Variants in COL22A1 observed in about 807,000 individuals in gnomAD.
COL22A1 encodes the protein collagen type XXII alpha 1 chain.
Under a neutral mutation model 248.9 loss-of-function variants are expected in COL22A1, and 221 were observed. That is an observed-to-expected ratio of 0.89 (90% CI 0.80 to 0.99). The LOEUF (loss-of-function observed/expected upper bound fraction) is 0.99, where lower values mean the gene tolerates loss of function less well. COL22A1 is among the 50% of genes least tolerant of loss of function. The probability of loss-of-function intolerance (pLI) is 0.00; values close to 1 mark genes in which losing one functional copy is unlikely to be tolerated. For synonymous variants in COL22A1, 891 were observed against 793.4 expected, an observed-to-expected ratio of 1.12 and a Z score of -2.07; for missense variants, 2,240 against 2,179.0, an observed-to-expected ratio of 1.03 and a Z score of -0.56.
In COL22A1 at chr8:138,765,399, C is replaced by G. The variant is rs377517442; in HGVS notation, c.1804-2933G>C. On this transcript the variant is annotated intron_variant, in intron 16 of 64. Coordinates refer to ENST00000303045, the MANE Select transcript of COL22A1 (RefSeq NM_152888.3). Reference sequence around the variant, plus strand: ...TGTCCAAAGGCACATAGAAACTTAGCGGTGGTACCAGGACTCAAATCGAGG... The same window carrying G: ...TGTCCAAAGGCACATAGAAACTTAGGGGTGGTACCAGGACTCAAATCGAGG... Among the ~76,000 whole-genome samples the G allele has an allele frequency of 2.6e-4, 40 of 152,298 alleles. No homozygotes were observed. The East Asian group carries it at 7.7e-3, about 29-fold the overall frequency.
intron 23 of COL22A1, among the ~76,000 whole-genome samples, chr8:138,736,073 T>C (rs779642717): frequency 3.9e-5 from 6 of 152,186 alleles, no homozygotes; most frequent in Non-Finnish European, 8.8e-5. Context: ...GACAGCCACA[T>C]CTGTCTACCC....
chr8:138,700,688 C>T (rs1394382158), intron 31 of COL22A1, among the ~76,000 whole-genome samples: 2 of 152,300 alleles, frequency 1.3e-5, no homozygotes, highest in South Asian at 2.1e-4. Context: ...CCCACCTAGG[C>T]TGTGTTTAAG....
At chr8:138,782,654 CAG>C (rs1005208288) in intron 12 of COL22A1, among the ~76,000 whole-genome samples, 2 of 152,226 alleles carry the variant, frequency 1.3e-5, no homozygotes, top group African/African-American at 4.8e-5. Flanking sequence ...CTGGAAGTCT[CAG>C]AGTCCCACTG....
At chr8:138,885,812 C>T (rs1330552239) in intron 1 of COL22A1, among the ~76,000 whole-genome samples, 1 of 152,194 alleles carries the variant, frequency 6.6e-6, no homozygotes, top group Non-Finnish European at 1.5e-5. Context: ...ATCCGCCTGC[C>T]TCTGCCTCCC....
chr8:138,881,291 G>A (rs1361716437), intron 2 of COL22A1, among the ~76,000 whole-genome samples: 9 of 101,492 alleles, frequency 8.9e-5, no homozygotes, highest in Non-Finnish European at 1.6e-4. Context: ...CAGGCTTTGA[G>A]AGGCTCAGAA....
At chr8:138,626,402 C>T (rs1379724381) in intron 50 of COL22A1, among the ~76,000 whole-genome samples, 159 bp from the exon 51 acceptor site, 5 of 152,174 alleles carry the variant, frequency 3.3e-5, no homozygotes, top group Admixed American at 2.6e-4. Context: ...TGAGCTGTTT[C>T]CCCCAAGGCA....
chr8:138,636,299 T>A (rs1367823072), intron 48 of COL22A1, among the ~76,000 whole-genome samples: 1 of 151,528 alleles, frequency 6.6e-6, no homozygotes, highest in Non-Finnish European at 1.5e-5. Context: ...CAGGCCTGGA[T>A]GGGCACTGAT....
At chr8:138,608,700 C>T (rs1047974820) in intron 56 of COL22A1, among the ~76,000 whole-genome samples, 2 of 152,204 alleles carry the variant, frequency 1.3e-5, no homozygotes, top group Non-Finnish European at 2.9e-5. Flanking sequence ...TGGCTACTCC[C>T]TTTCAGGATC....
At chr8:138,748,272 G>T (rs1014191834) in intron 22 of COL22A1, among the ~76,000 whole-genome samples, 3 of 152,244 alleles carry the variant, frequency 2.0e-5, no homozygotes, top group African/African-American at 7.2e-5. Flanking sequence ...CTCCACTGAG[G>T]TCATCTGTTT....
At chr8:138,611,242 G>A (rs1237600140) in intron 56 of COL22A1, among the ~76,000 whole-genome samples, 3 of 152,366 alleles carry the variant, frequency 2.0e-5, no homozygotes, top group South Asian at 4.1e-4. Flanking sequence ...GCTGGGCACT[G>A]TTGTCTCACT....
chr8:138,594,164 C>T lies in COL22A1; in HGVS notation c.4468G>A (p.Ala1490Thr), dbSNP rs1464464862. ...LAYLLAQMPPAYMKSSQGRPG... is the reference protein window; with the variant it reads ...LAYLLAQMPPTYMKSSQGRPG... Reference sequence around the variant, plus strand: ...CTGCCTTGAGATGACTTCATGTACGCCGGGGGCATCTGGGCCAGGAGGTAG... The same window carrying T: ...CTGCCTTGAGATGACTTCATGTACGTCGGGGGCATCTGGGCCAGGAGGTAG... Residue 1490 changes from alanine (A) to threonine (T), a missense_variant, in exon 63 of 65, where the codon GCG (alanine) becomes ACG (threonine). Transcript: ENST00000303045. 6.4e-7 allele frequency: 1 copy of T among 1,572,284 alleles called. No individual in the cohort carries two copies.
At chr8:138,781,340 C>T (rs1051098803) in intron 12 of COL22A1, among the ~76,000 whole-genome samples, 4 of 152,044 alleles carry the variant, frequency 2.6e-5, no homozygotes, top group Non-Finnish European at 2.9e-5. Context: ...TGGGCTGCAG[C>T]GGGGCTCTCA....
At chr8:138,693,139 G>A (rs2130923882) in intron 35 of COL22A1, among the ~76,000 whole-genome samples, 1 of 152,268 alleles carries the variant, frequency 6.6e-6, no homozygotes, top group Admixed American at 6.5e-5. Flanking sequence ...CAGCCCCACG[G>A]GGATCAAATA....
intron 33 of COL22A1, 84 bp downstream of exon 33, chr8:138,694,742 G>C: frequency 6.6e-7 from 1 of 1,515,764 alleles, no homozygotes; most frequent in Non-Finnish European, 9.1e-7. Flanking sequence ...GGAATGCACG[G>C]TGCAGATCTA....
intron 36 of COL22A1, among the ~76,000 whole-genome samples, chr8:138,689,895 A>G (rs1232244796): frequency 6.6e-6 from 1 of 152,190 alleles, no homozygotes; most frequent in African/African-American, 2.4e-5. Context: ...CTGGCCACCC[A>G]TCACGTGGCT....
chr8:138,731,495 C>T (rs997368933), intron 23 of COL22A1, among the ~76,000 whole-genome samples: 5 of 151,930 alleles, frequency 3.3e-5, no homozygotes, highest in South Asian at 2.1e-4. Context: ...AGTGGTGATG[C>T]GGTGACCAGC....
Position 138,607,958 on chromosome 8 carries a change from T to C in COL22A1, c.4010A>G (p.Glu1337Gly), listed in dbSNP as rs1002002318. 1 of 1,613,964 alleles carries C rather than the reference T, an allele frequency of 6.2e-7. No individual in the cohort carries two copies. The highest frequency in any genetic ancestry group is 8.5e-7 in the Non-Finnish European group (1 of 1,179,950). ...CACAGGGGTTCCTGAAGGGCCAGGC[T>C]CTCCTGGAGATCCCGGTGATCCATT... Reference protein sequence around the residue: ...GKNGSPGSPGEPGPSGTPGQK... With the variant: ...GKNGSPGSPGGPGPSGTPGQK... Residue 1337 changes from glutamate (E) to glycine (G), a missense_variant, in exon 57 of 65, where the codon GAG (glutamate) becomes GGG (glycine). Transcript: ENST00000303045.
chr8:138,904,565 C>T (rs1275063323), intron 1 of COL22A1, among the ~76,000 whole-genome samples: 3 of 151,892 alleles, frequency 2.0e-5, no homozygotes, highest in African/African-American at 4.8e-5. Context: ...GTAATAACCC[C>T]ATTTTTATTT....
At chr8:138,875,775 T>C (rs1255780026) in intron 3 of COL22A1, among the ~76,000 whole-genome samples, 1 of 152,138 alleles carries the variant, frequency 6.6e-6, no homozygotes, top group Non-Finnish European at 1.5e-5. Flanking sequence ...GATCTCAGCA[T>C]TCTGTGTGCG....
Sources: gnomAD v4.1 joint callset for allele counts (sites outside exome capture counted in the v4.1 genomes callset) on GRCh38, gnomAD v4.1.1 for gene constraint, MANE v1.5 for transcripts, NCBI Gene and HGNC (gene_info 2026-07-23, HGNC 2026-07-21) for gene names.